Variants in AKAP9 observed in about 807,000 individuals in gnomAD.
AKAP9 encodes the protein A-kinase anchor protein 9.
In AKAP9, 311 loss-of-function variants were observed where a neutral mutation model predicts 488.5. The observed-to-expected ratio is 0.64, with a 90% CI of 0.58 to 0.70. The LOEUF is 0.70. Among genes scored for constraint, AKAP9 ranks in the 30% least tolerant of loss-of-function variants. AKAP9 has a pLI of 0.00. For missense variants in AKAP9, 4,215 were observed against 4,374.5 expected (o/e 0.96, Z 1.03); for synonymous variants, 1,462 against 1,483.5 (o/e 0.99, Z 0.33).
intron 37 of AKAP9, among the ~76,000 whole-genome samples, chr7:92,088,286 C>T (rs557405145): frequency 5.9e-5 from 9 of 152,066 alleles, no homozygotes; most frequent in Non-Finnish European, 1.3e-4. Context: ...TATTCAGAGT[C>T]TACTCTTGGG....
chr7:92,106,268 A>C (rs890949366), intron 47 of AKAP9, among the ~76,000 whole-genome samples: 13 of 152,200 alleles, frequency 8.5e-5, no homozygotes, highest in African/African-American at 3.1e-4. Flanking sequence ...GGTAATAATA[A>C]CTGATTTTCA....
Position 92,108,805 on chromosome 7 carries a change from T to C in AKAP9, c.11686+172T>C, listed in dbSNP as rs369872402. ...TCTTGTAACCAGCAGAGAAACTGACTTTAAATAATTTAAGTGAAAATATGA... is the reference window on the plus strand; with the variant it reads ...TCTTGTAACCAGCAGAGAAACTGACCTTAAATAATTTAAGTGAAAATATGA... On this transcript the variant is annotated intron_variant, in intron 49 of 49. Coordinates refer to ENST00000356239, the MANE Select transcript of AKAP9 (RefSeq NM_005751.5). 1.2e-4 allele frequency: 96 copies of C among 781,380 alleles called. 2 individuals are homozygous for C. Among genetic ancestry groups the C allele is most frequent in the East Asian group, 6.5e-4 (24 of 36,912 alleles). The allele number at this position is 781,380 out of a possible 1,614,324, so 48.4% of individuals were successfully genotyped here.
At chr7:92,042,991 A>C (rs1035562553) in intron 20 of AKAP9, 1 of 358,858 alleles carries the variant, frequency 2.8e-6, no homozygotes, top group African/African-American at 2.1e-5. Flanking sequence ...TTCTATATAA[A>C]TTTTGATTGG....
At chr7:92,086,465 G>C (rs754863577) in intron 37 of AKAP9, 49 bp downstream of exon 37, 2 of 1,445,116 alleles carry the variant, frequency 1.4e-6, no homozygotes, top group Non-Finnish European at 9.7e-7. Context: ...ATAAGGAAAT[G>C]ACTATTGATT....
intron 8 of AKAP9, 75 bp from the exon 9 acceptor site, chr7:92,012,354 A>G (rs1800864022): frequency 1.5e-6 from 2 of 1,354,238 alleles, no homozygotes; most frequent in Admixed American, 1.9e-5. Context: ...TAGTCAGTAT[A>G]TGCAAAAAAA....
At chr7:92,023,458 G>C (rs1247055080) in intron 14 of AKAP9, among the ~76,000 whole-genome samples, 1 of 152,102 alleles carries the variant, frequency 6.6e-6, no homozygotes, top group Admixed American at 6.5e-5. Context: ...CTCAAAATTT[G>C]CTCCTTCTGC....
At chr7:92,034,427 G>A (rs1364200970) in intron 16 of AKAP9, among the ~76,000 whole-genome samples, 1 of 150,716 alleles carries the variant, frequency 6.6e-6, no homozygotes, top group Non-Finnish European at 1.5e-5. Flanking sequence ...GACAGCAAGG[G>A]CTCACACTTC....
chr7:92,099,301 A>T (rs1021244469), intron 43 of AKAP9, among the ~76,000 whole-genome samples: 6 of 152,162 alleles, frequency 3.9e-5, no homozygotes, highest in African/African-American at 1.4e-4. Flanking sequence ...CTCGAAGATT[A>T]TATCTTCCCT....
chr7:92,085,875 G>A (rs1271635046), intron 36 of AKAP9, among the ~76,000 whole-genome samples, 189 bp downstream of exon 36: 1 of 152,048 alleles, frequency 6.6e-6, no homozygotes, highest in Non-Finnish European at 1.5e-5. Flanking sequence ...AGGCCGAGGT[G>A]GGTGGATCAC....
At chr7:92,042,230 TC>T (rs748660443) in intron 19 of AKAP9, 44 bp downstream of exon 19, 2 of 1,611,686 alleles carry the variant, frequency 1.2e-6, no homozygotes, top group South Asian at 2.2e-5. Context: ...GATCACCAAT[TC>T]AGTAGGATTT....
intron 1 of AKAP9, among the ~76,000 whole-genome samples, chr7:91,953,127 G>A (rs1382916496): frequency 6.6e-6 from 1 of 152,190 alleles, no homozygotes; most frequent in African/African-American, 2.4e-5. Flanking sequence ...AGACAGTGAG[G>A]CAGGAACAGA....
intron 28 of AKAP9, among the ~76,000 whole-genome samples, chr7:92,074,302 A>G (rs1812198600): frequency 6.6e-6 from 1 of 152,224 alleles, no homozygotes; most frequent in Non-Finnish European, 1.5e-5. Flanking sequence ...AGTGCAAACC[A>G]AAACCACAAT....
At position 92,076,936 on chromosome 7, in the gene AKAP9, C is replaced by A; in HGVS notation, c.6694C>A (p.Gln2232Lys). ...KNEEVQQLHMQLEIQKKESTT... is the reference protein window; with the variant it reads ...KNEEVQQLHMKLEIQKKESTT... ...TGAAGAAGTTCAACAATTACATATG[C>A]AATTAGAAATACAGAAAAAGGAATC... Residue 2232 changes from glutamine (Q) to lysine (K), a missense_variant, in exon 29 of 50, where the codon CAA becomes AAA. By Grantham distance (53) the Gln-to-Lys change is moderately conservative (BLOSUM62 1). Coordinates refer to ENST00000356239, the MANE Select transcript of AKAP9 (RefSeq NM_005751.5). 6.4e-7 allele frequency: 1 copy of A among 1,559,034 alleles called. No homozygotes were observed. Among genetic ancestry groups the A allele is most frequent in the Admixed American group, 1.7e-5 (1 of 58,250 alleles).
At chr7:91,963,422 C>A (rs559889502) in intron 1 of AKAP9, among the ~76,000 whole-genome samples, 22 of 150,706 alleles carry the variant, frequency 1.5e-4, no homozygotes, top group African/African-American at 5.3e-4. Flanking sequence ...TTTCCTTCAT[C>A]CACAGCAGAC....
intron 20 of AKAP9, among the ~76,000 whole-genome samples, chr7:92,044,730 A>AT (rs1460161417): frequency 6.6e-6 from 1 of 152,106 alleles, no homozygotes; most frequent in Non-Finnish European, 1.5e-5. Context: ...GACTTTAGTT[A>AT]TTTTTTTCAA....
intron 21 of AKAP9, among the ~76,000 whole-genome samples, chr7:92,047,691 G>A (rs373316843): frequency 7.3e-4 from 111 of 152,154 alleles, no homozygotes; most frequent in Middle Eastern, 3.4e-3. Flanking sequence ...AAACCACTAC[G>A]TATATTTGAA....
chr7:91,995,852 A>G lies in AKAP9; in HGVS notation c.930+52A>G, dbSNP rs753054652. ...AACTTGTAGAAGCTTTAGAGTTTCA[A>G]GTTTTTTATGCAAGTGGTTTTTTTT... On this transcript the variant is annotated intron_variant, in intron 7 of 49. Coordinates refer to ENST00000356239, the MANE Select transcript of AKAP9 (RefSeq NM_005751.5). 2.1e-6 allele frequency: 3 copies of G among 1,402,346 alleles called. No individual in the cohort carries two copies. In the Admixed American group the frequency reaches 6.3e-5, roughly 29 times the overall value. The allele number at this position is 1,402,346 out of a possible 1,614,324, so 86.9% of individuals were successfully genotyped here.
intron 35 of AKAP9, among the ~76,000 whole-genome samples, chr7:92,085,198 CAA>C (rs1462426810): frequency 2.0e-5 from 3 of 152,074 alleles, no homozygotes; most frequent in Admixed American, 1.3e-4. Context: ...AAAGTAGTCT[CAA>C]AGAGTAGAAG....
At position 92,061,342 on chromosome 7, in the gene AKAP9, G is replaced by A. The variant is rs376670169; in HGVS notation, c.5684G>A (p.Cys1895Tyr). The A allele has an allele frequency of 5.0e-6, 8 of 1,613,014 alleles. No homozygotes were observed. In the African/African-American group the frequency reaches 8.0e-5, roughly 16 times the overall value. ...CAAGAAGCAACAGAGTCCCTTAAGTGCCAAGAGGAACTTCGAGAGCGCCTT... is the reference window on the plus strand; with the variant it reads ...CAAGAAGCAACAGAGTCCCTTAAGTACCAAGAGGAACTTCGAGAGCGCCTT... ...QKQEATESLK[C>Y]QEELRERLHE... is the part of the protein sequence containing the mutation. Residue 1895 changes from cysteine (C) to tyrosine (Y), a missense_variant, in exon 23 of 50, where the codon TGC (cysteine) becomes TAC (tyrosine). Cys to Tyr is a radical substitution (Grantham distance 194). Around this residue, in one of 5 missense-constraint regions of AKAP9, gnomAD observed 2,361 missense variants for 2,430.0 expected, o/e 0.97. Coordinates refer to ENST00000356239, the MANE Select transcript of AKAP9 (RefSeq NM_005751.5).
Sources: allele counts gnomAD v4.1 joint callset (sites outside exome capture counted in the v4.1 genomes callset), GRCh38; gene constraint gnomAD v4.1.1; regional missense constraint gnomAD v4.1.1; transcripts MANE v1.5; gene names NCBI Gene and HGNC (gene_info 2026-07-23, HGNC 2026-07-21).